The following CD44 variants were observed in gnomAD, a reference collection of about 807,000 sequenced individuals.
CD44 encodes the protein CD44 molecule (IN blood group), also known as CD44 antigen.
A neutral mutation model predicts 88.8 loss-of-function variants in CD44; 49 were observed. That is an observed-to-expected ratio of 0.55 (90% confidence interval 0.44 to 0.70). The LOEUF is 0.70. CD44 is among the 30% of genes least tolerant of loss of function. The probability of loss-of-function intolerance (pLI) is 0.00; values close to 1 mark genes in which losing one functional copy is unlikely to be tolerated. For synonymous variants in CD44, 325 were observed against 312.3 expected, an observed-to-expected ratio of 1.04 and a Z score of -0.43; for missense variants, 883 against 913.8, an observed-to-expected ratio of 0.97 and a Z score of 0.43.
At chr11:35,215,464 A>ATC (rs1259448077) in intron 15 of CD44, among the ~76,000 whole-genome samples, 5 of 152,242 alleles carry the variant, frequency 3.3e-5, no homozygotes, top group Non-Finnish European at 7.3e-5. Context: ...CATTTAGCAT[A>ATC]ATCCTGGCAC....
intron 9 of CD44, among the ~76,000 whole-genome samples, chr11:35,203,785 T>G (rs968930126): frequency 6.6e-6 from 1 of 152,200 alleles, no homozygotes; most frequent in Non-Finnish European, 1.5e-5. Context: ...TGAAGACACC[T>G]TGATGGAATT....
At chr11:35,168,781 C>T (rs1433437849) in intron 1 of CD44, among the ~76,000 whole-genome samples, 1 of 152,226 alleles carries the variant, frequency 6.6e-6, no homozygotes, top group East Asian at 1.9e-4. Flanking sequence ...CATAGTATGA[C>T]TGTAGGTTGT....
intron 1 of CD44, among the ~76,000 whole-genome samples, chr11:35,144,984 T>C (rs1342996387): frequency 6.6e-6 from 1 of 152,216 alleles, no homozygotes; most frequent in Non-Finnish European, 1.5e-5. Flanking sequence ...CTGGGTGACG[T>C]ACCAAGATAA....
At chr11:35,196,068 T>C (rs1157515915) in intron 5 of CD44, among the ~76,000 whole-genome samples, 1 of 152,164 alleles carries the variant, frequency 6.6e-6, no homozygotes, top group Non-Finnish European at 1.5e-5. Flanking sequence ...CCCAAGATTG[T>C]ATAGAAGATT....
chr11:35,214,954 A>T, intron 15 of CD44, 40 bp downstream of exon 15: 1 of 1,320,678 alleles, frequency 7.6e-7, no homozygotes, highest in East Asian at 2.6e-5. Flanking sequence ...TGTTATAATC[A>T]TTGAGCCTAA....
intron 2 of CD44, among the ~76,000 whole-genome samples, chr11:35,178,771 G>T (rs1944708689): frequency 6.6e-6 from 1 of 152,162 alleles, no homozygotes; most frequent in African/African-American, 2.4e-5. Context: ...TGTGATGGGG[G>T]TGAGTTGGTG....
intron 3 of CD44, among the ~76,000 whole-genome samples, chr11:35,185,508 A>T (rs1945572145): frequency 6.6e-6 from 1 of 152,184 alleles, no homozygotes; most frequent in Non-Finnish European, 1.5e-5. Context: ...ATAGCAGGAC[A>T]CTTAAAATAC....
intron 6 of CD44, chr11:35,197,193 C>T (rs1946839055): frequency 5.3e-6 from 1 of 187,762 alleles, no homozygotes; most frequent in Non-Finnish European, 1.1e-5. Flanking sequence ...CTAAAATTAC[C>T]ACAGTCATAA....
chr11:35,178,820 C>T (rs1944714967), intron 2 of CD44, among the ~76,000 whole-genome samples: 1 of 152,058 alleles, frequency 6.6e-6, no homozygotes, highest in Non-Finnish European at 1.5e-5. Flanking sequence ...AAAAACTGTG[C>T]CAAAGAAATC....
intron 17 of CD44, among the ~76,000 whole-genome samples, chr11:35,222,208 C>T (rs913858873): frequency 6.6e-6 from 1 of 152,160 alleles, no homozygotes; most frequent in Non-Finnish European, 1.5e-5. Context: ...AGTGATTCAT[C>T]ATCCCCTGTA....
intron 1 of CD44, among the ~76,000 whole-genome samples, chr11:35,146,671 G>A (rs112256183): frequency 4.6e-5 from 7 of 152,314 alleles, no homozygotes; most frequent in African/African-American, 1.2e-4. Flanking sequence ...AAGTGATGGC[G>A]CTGGGATTCA....
intron 3 of CD44, among the ~76,000 whole-genome samples, chr11:35,185,081 G>C (rs548036225): frequency 1.3e-5 from 2 of 152,304 alleles, no homozygotes; most frequent in South Asian, 4.1e-4. Flanking sequence ...GAGATTGAGA[G>C]AAGTGCCATG....
intron 1 of CD44, among the ~76,000 whole-genome samples, chr11:35,153,924 G>A (rs1329421027): frequency 6.6e-6 from 1 of 152,064 alleles, no homozygotes; most frequent in Non-Finnish European, 1.5e-5. Flanking sequence ...TTCTGAGTAA[G>A]AAAGCAAGAA....
At chr11:35,227,902 C>T (rs1949817336) in intron 17 of CD44, among the ~76,000 whole-genome samples, 1 of 152,224 alleles carries the variant, frequency 6.6e-6, no homozygotes, top group South Asian at 2.1e-4. Flanking sequence ...TGACCTCGAG[C>T]AAGTTATTAA....
At chr11:35,152,244 A>C (rs1860454127) in intron 1 of CD44, among the ~76,000 whole-genome samples, 1 of 152,198 alleles carries the variant, frequency 6.6e-6, no homozygotes, top group African/African-American at 2.4e-5. Context: ...TTTTGAGCTC[A>C]GGCTGGCCAG....
rs185050347 is a variant in CD44 at position 35,146,232 on chromosome 11, A to G, written c.67+6862A>G. 1.8e-4 allele frequency among the ~76,000 whole-genome samples: 28 copies of G among 152,332 alleles called. No homozygotes were observed. The East Asian group carries it at 5.4e-3, about 29-fold the overall frequency. The stretch of plus-strand genomic sequence containing the variant: ...CTGAGTCACCAAGGAGGTGATTTGC[A>G]AAACTCAGGTCCCAGAAACTTTCAG... On this transcript the variant is annotated intron_variant, in intron 1 of 17. Transcript: ENST00000428726.
intron 15 of CD44, among the ~76,000 whole-genome samples, chr11:35,217,040 TTGCTACTG>T (rs1948883411): frequency 6.6e-6 from 1 of 152,218 alleles, no homozygotes; most frequent in African/African-American, 2.4e-5. Context: ...TTTGTGGAAC[TTGCTACTG>T]TGGCCAGTCC....
intron 15 of CD44, 82 bp downstream of exon 15, chr11:35,214,996 C>T: frequency 1.2e-6 from 1 of 814,864 alleles, no homozygotes; most frequent in Non-Finnish European, 1.8e-6. Context: ...GAGTCAGTGT[C>T]TCCAGAGAAG....
At chr11:35,214,176 G>C (rs1467938736) in intron 14 of CD44, among the ~76,000 whole-genome samples, 2 of 152,110 alleles carry the variant, frequency 1.3e-5, no homozygotes, top group Non-Finnish European at 2.9e-5. Flanking sequence ...AACTAGTCAT[G>C]TTGAAACTAC....
Sources: allele counts gnomAD v4.1 joint callset (sites outside exome capture counted in the v4.1 genomes callset), GRCh38; gene constraint gnomAD v4.1.1; transcripts MANE v1.5; gene names NCBI Gene and HGNC (gene_info 2026-07-23, HGNC 2026-07-21).